The following FHAD1 variants were observed in gnomAD, a reference collection of about 807,000 sequenced individuals.
FHAD1 encodes forkhead associated phosphopeptide binding domain 1.
FHAD1 carries 146 observed loss-of-function variants against 191.3 expected under a neutral mutation model. The ratio of observed to expected loss-of-function variants is 0.76; its 90% confidence interval spans 0.67 to 0.88. FHAD1 has a LOEUF of 0.88. Ranked by LOEUF, FHAD1 falls within the 40% of genes least tolerant of loss-of-function variation. The pLI is 0.00. For missense variants in FHAD1, 1,635 were observed against 1,785.8 expected (o/e 0.92, Z 1.52); for synonymous variants, 616 against 672.3 (o/e 0.92, Z 1.29).
chr1:15,301,200 C>T lies in FHAD1; in HGVS notation c.679-5C>T, dbSNP rs1286584630. 1 of 1,551,176 alleles carries T rather than the reference C, an allele frequency of 6.4e-7. No homozygotes were observed. The highest frequency in any genetic ancestry group is 1.4e-5 in the African/African-American group (1 of 73,076). ...TAGTAAGCCTCCCATCTGATCTCTA[C>T]CCAGGATGAAATAATTCTGCTGCTG... On this transcript the variant is annotated splice_region_variant and splice_polypyrimidine_tract_variant and intron_variant, in intron 5 of 33. Transcript: ENST00000688493.
At chr1:15,262,585 T>C (rs973110621) in intron 2 of FHAD1, among the ~76,000 whole-genome samples, 1 of 152,214 alleles carries the variant, frequency 6.6e-6, no homozygotes, top group Admixed American at 6.5e-5. Flanking sequence ...ACTGCTTTAT[T>C]TCACCAGCAT....
Position 15,329,295 on chromosome 1 carries a change from G to C in FHAD1, c.1711-51G>C. On this transcript the variant is annotated intron_variant, in intron 13 of 33. Coordinates refer to ENST00000688493, the MANE Select transcript of FHAD1 (RefSeq NM_001391957.1). This position sits in a 1 kb window ranked among gnomAD's most constrained non-coding sequence, Gnocchi z 5.0. ...CTGTTCCTCGAAGGTCACGTCAGGGGCTATTTCTGGCCACAGGGCCTGGGC... is the reference window on the plus strand; with the variant it reads ...CTGTTCCTCGAAGGTCACGTCAGGGCCTATTTCTGGCCACAGGGCCTGGGC... 6.9e-7 allele frequency: 1 copy of C among 1,446,170 alleles called. No homozygotes were observed. The highest frequency in any genetic ancestry group is 9.3e-7 in the Non-Finnish European group (1 of 1,072,654). The allele number at this position is 1,446,170 out of a possible 1,614,324, so 89.6% of individuals were successfully genotyped here. A position where few individuals can be genotyped will look rare whatever the true frequency, so the allele number is the denominator to read the frequency against.
intron 33 of FHAD1, among the ~76,000 whole-genome samples, chr1:15,392,367 C>T (rs1022485313): frequency 9.9e-5 from 15 of 152,042 alleles, no homozygotes; most frequent in African/African-American, 3.6e-4. Context: ...CCCGTCTTTA[C>T]TAAAAATACA....
At chr1:15,391,748 AGG>A (rs1250001190) in intron 33 of FHAD1, among the ~76,000 whole-genome samples, 3 of 152,258 alleles carry the variant, frequency 2.0e-5, no homozygotes, top group Non-Finnish European at 4.4e-5. Context: ...ATTCTATGCA[AGG>A]GACATTTTTG....
At chr1:15,396,633 AC>A (rs1570710853) in intron 33 of FHAD1, among the ~76,000 whole-genome samples, 1 of 151,434 alleles carries the variant, frequency 6.6e-6, no homozygotes, top group Non-Finnish European at 1.5e-5. Context: ...ACATGGTGAA[AC>A]CCCCATCTCT....
At chr1:15,369,827 C>T (rs1439428048) in intron 26 of FHAD1, among the ~76,000 whole-genome samples, 1 of 152,204 alleles carries the variant, frequency 6.6e-6, no homozygotes, top group East Asian at 1.9e-4. Flanking sequence ...CACTTAGAAA[C>T]TCTGTGACCT....
upstream of FHAD1, among the ~76,000 whole-genome samples, chr1:15,243,692 T>C (rs189026997): frequency 1.3e-3 from 203 of 152,336 alleles, 1 homozygote; most frequent in Non-Finnish European, 2.0e-3. Context: ...GTAATGTGGG[T>C]GGCAGGCCTA....
intron 14 of FHAD1, among the ~76,000 whole-genome samples, chr1:15,338,073 C>T (rs1684998283): frequency 6.6e-6 from 1 of 152,194 alleles, no homozygotes; most frequent in Admixed American, 6.5e-5. Context: ...CCATCATCTA[C>T]TCCAGCCCAA....
In FHAD1 at chr1:15,359,984, A is replaced by T. The variant is rs560255207; in HGVS notation, c.2737-494A>T. Among the ~76,000 whole-genome samples the T allele has an allele frequency of 7.9e-5, 12 of 151,348 alleles. No homozygotes were observed. The South Asian group carries it at 2.5e-3, about 32-fold the overall frequency. ...AAAAATTAGCTGAGTGTGTTGGCGC[A>T]CACCTGTAGTTCCAGCTACTCAGGA... On this transcript the variant is annotated intron_variant, in intron 21 of 33. Coordinates refer to ENST00000688493, the MANE Select transcript of FHAD1 (RefSeq NM_001391957.1).
intron 20 of FHAD1, among the ~76,000 whole-genome samples, chr1:15,357,587 C>T (rs919192478): frequency 6.3e-5 from 9 of 143,306 alleles, no homozygotes; most frequent in South Asian, 2.2e-4. Context: ...AGCACCGTTG[C>T]GCTCCAGCCC....
At chr1:15,357,410 G>T (rs1693178610) in intron 20 of FHAD1, among the ~76,000 whole-genome samples, 1 of 152,114 alleles carries the variant, frequency 6.6e-6, no homozygotes, top group Admixed American at 6.6e-5. Context: ...GGATCACGAG[G>T]TCAAGAGATC....
At chr1:15,364,874 C>T (rs1456822530) in intron 23 of FHAD1, among the ~76,000 whole-genome samples, 1 of 152,140 alleles carries the variant, frequency 6.6e-6, no homozygotes, top group Admixed American at 6.5e-5. Context: ...TGCTGGGCGC[C>T]CTTCACCTCT....
intron 28 of FHAD1, 44 bp downstream of exon 28, chr1:15,375,774 G>C: frequency 6.7e-7 from 1 of 1,499,804 alleles, no homozygotes; most frequent in Non-Finnish European, 8.9e-7. Flanking sequence ...CATGTGGAGA[G>C]GAGGGGCCTG....
intron 28 of FHAD1, among the ~76,000 whole-genome samples, chr1:15,375,972 G>A (rs955384549): frequency 2.0e-5 from 3 of 152,032 alleles, no homozygotes; most frequent in African/African-American, 7.2e-5. Context: ...GTTAATCGCT[G>A]AAGCATGGCG....
downstream of FHAD1, among the ~76,000 whole-genome samples, chr1:15,398,721 C>T (rs1286713697): frequency 6.6e-6 from 1 of 151,908 alleles, no homozygotes; most frequent in East Asian, 1.9e-4. Context: ...TCTGCTCCTT[C>T]CAAGTTCTGC....
intron 1 of FHAD1, among the ~76,000 whole-genome samples, chr1:15,247,623 C>T (rs865983479): frequency 2.0e-5 from 3 of 152,126 alleles, no homozygotes; most frequent in South Asian, 2.1e-4. Context: ...CTTAGACCCT[C>T]CTTGGCACCA....
intron 3 of FHAD1, among the ~76,000 whole-genome samples, chr1:15,280,794 C>T (rs1016616438): frequency 3.3e-5 from 5 of 152,100 alleles, no homozygotes; most frequent in Admixed American, 6.5e-5. Flanking sequence ...ATTCTCTTTC[C>T]CATTTTATGG....
At chr1:15,379,905 A>G (rs938195615) in intron 28 of FHAD1, among the ~76,000 whole-genome samples, 3 of 152,218 alleles carry the variant, frequency 2.0e-5, no homozygotes, top group African/African-American at 2.4e-5. Flanking sequence ...ACAGAACGAA[A>G]TGGAGTCTCC....
chr1:15,379,418 C>G (rs574875072), intron 28 of FHAD1, among the ~76,000 whole-genome samples: 71 of 152,366 alleles, frequency 4.7e-4, no homozygotes, highest in African/African-American at 1.5e-3. Flanking sequence ...CGGTTTTTCC[C>G]TATCTCAGTA....
Sources: allele counts gnomAD v4.1 joint callset (sites outside exome capture counted in the v4.1 genomes callset), GRCh38; gene constraint gnomAD v4.1.1; non-coding constraint Gnocchi (gnomAD v3.1); transcripts MANE v1.5; gene names NCBI Gene and HGNC (gene_info 2026-07-23, HGNC 2026-07-21).